CSNK1G1: variants seen among roughly 807,000 people sequenced by gnomAD.
CSNK1G1 encodes the protein casein kinase I isoform gamma-1.
CSNK1G1 carries 22 observed loss-of-function variants against 59.6 expected under a neutral mutation model. That is an observed-to-expected ratio of 0.37 (90% confidence interval 0.26 to 0.53). The LOEUF (loss-of-function observed/expected upper bound fraction) is 0.53, where lower values mean the gene tolerates loss of function less well. Among genes scored for constraint, CSNK1G1 ranks in the 20% least tolerant of loss-of-function variants. CSNK1G1 has a pLI of 0.89. For missense variants in CSNK1G1, 384 were observed against 519.5 expected (o/e 0.74, Z 2.54); for synonymous variants, 179 against 177.1 (o/e 1.01, Z -0.08).
chr15:64,256,553 A>G lies in CSNK1G1; in HGVS notation c.222+2648T>C, dbSNP rs188859242. 4.5e-3 allele frequency among the ~76,000 whole-genome samples: 681 copies of G among 152,330 alleles called. 12 individuals are homozygous for G. The South Asian group carries it at 0.047, about 10-fold the overall frequency. ...TTCAAGGTGCTTTTCTGGAAGCACT[A>G]TAAGTAGAAGGCATTGCAAAACTCA... On this transcript the variant is annotated intron_variant, in intron 3 of 11. Coordinates refer to ENST00000303052, the MANE Select transcript of CSNK1G1 (RefSeq NM_022048.5).
chr15:64,249,763 C>T (rs1008890005), intron 4 of CSNK1G1, among the ~76,000 whole-genome samples: 1 of 152,240 alleles, frequency 6.6e-6, no homozygotes, highest in Admixed American at 6.5e-5. Context: ...AATGCTGAAA[C>T]TTCAAGAGCT....
intron 5 of CSNK1G1, among the ~76,000 whole-genome samples, chr15:64,215,787 G>C (rs1303408745): frequency 6.6e-6 from 1 of 152,222 alleles, no homozygotes; most frequent in Non-Finnish European, 1.5e-5. Context: ...TTGTCTCTGA[G>C]AGAACTGGAG....
In CSNK1G1 at chr15:64,168,460, G is replaced by GTGGA. The variant is rs1450035927; in HGVS notation, c.*3467_*3470dup. On this transcript the variant is annotated 3_prime_UTR_variant, in exon 12 of 12. Coordinates refer to ENST00000303052, the MANE Select transcript of CSNK1G1 (RefSeq NM_022048.5). The stretch of plus-strand genomic sequence containing the variant: ...AGTAGGGGGGACCATTTATGCCTTG[G>GTGGA]TGGAGTCTTGGCCTGTGTGCCTCAA... 4 of 152,278 alleles carry GTGGA rather than the reference G, an allele frequency of 2.6e-5. No homozygotes were observed. The highest frequency in any genetic ancestry group is 5.9e-5 in the Non-Finnish European group (4 of 68,090). 9.4% of individuals were successfully genotyped at this position (152,278 alleles called of 1,614,324 possible).
intron 2 of CSNK1G1, among the ~76,000 whole-genome samples, chr15:64,275,029 C>A (rs965438264): frequency 2.0e-5 from 3 of 152,202 alleles, no homozygotes; most frequent in African/African-American, 7.2e-5. Flanking sequence ...CCTATTGCCA[C>A]CTCCACCCAA....
chr15:64,311,415 G>A (rs1895988899), intron 1 of CSNK1G1, among the ~76,000 whole-genome samples: 1 of 152,292 alleles, frequency 6.6e-6, no homozygotes, highest in South Asian at 2.1e-4. Flanking sequence ...TACAGAAGGA[G>A]TTTGGATAAT....
chr15:64,234,810 G>A (rs2082593961), intron 4 of CSNK1G1, among the ~76,000 whole-genome samples: 2 of 152,036 alleles, frequency 1.3e-5, no homozygotes, highest in South Asian at 4.2e-4. Flanking sequence ...ATGTGGTTCT[G>A]TACCCACAAG....
chr15:64,196,403 A>G (rs1216693619), intron 10 of CSNK1G1, among the ~76,000 whole-genome samples: 1 of 152,206 alleles, frequency 6.6e-6, no homozygotes, highest in African/African-American at 2.4e-5. Context: ...CCAGAATACA[A>G]GGAAAATAGG....
intron 4 of CSNK1G1, among the ~76,000 whole-genome samples, chr15:64,219,311 A>C (rs1478462711): frequency 6.6e-6 from 1 of 152,224 alleles, no homozygotes; most frequent in Non-Finnish European, 1.5e-5. Context: ...AATCAGACAC[A>C]TGGTAAATGC....
At chr15:64,224,820 T>C (rs754588838) in intron 4 of CSNK1G1, among the ~76,000 whole-genome samples, 43 of 152,194 alleles carry the variant, frequency 2.8e-4, no homozygotes, top group East Asian at 1.9e-4. Flanking sequence ...AGGAATAATT[T>C]CACATTTCCG....
intron 4 of CSNK1G1, among the ~76,000 whole-genome samples, chr15:64,234,348 T>C (rs187319018): frequency 1.2e-3 from 188 of 152,314 alleles, no homozygotes; most frequent in Middle Eastern, 6.8e-3. Flanking sequence ...TTATTTCAAA[T>C]AGGCCACTCA....
chr15:64,304,470 T>C (rs1008413970), intron 1 of CSNK1G1, among the ~76,000 whole-genome samples: 1 of 150,708 alleles, frequency 6.6e-6, no homozygotes, highest in African/African-American at 2.4e-5. Flanking sequence ...ACTTAAGAAA[T>C]TAAAGTTACT....
intron 1 of CSNK1G1, among the ~76,000 whole-genome samples, chr15:64,333,234 G>A (rs1261691357): frequency 9.4e-6 from 1 of 106,554 alleles, no homozygotes; most frequent in Non-Finnish European, 1.7e-5. Flanking sequence ...TCCAGACTGA[G>A]CAACAAGAGT....
Position 64,169,635 on chromosome 15 carries a change from G to A in CSNK1G1, c.*2296C>T, listed in dbSNP as rs370161097. 5 of 152,308 alleles carry A rather than the reference G, an allele frequency of 3.3e-5. No individual in the cohort carries two copies. Among genetic ancestry groups the A allele is most frequent in the East Asian group, 3.9e-4 (2 of 5,188 alleles). 9.4% of individuals were successfully genotyped at this position (152,308 alleles called of 1,614,324 possible). On this transcript the variant is annotated 3_prime_UTR_variant, in exon 12 of 12. Transcript: ENST00000303052. ...TTAGCAATGCCCAAATCCCAACTGAGAAACGATGTAAATTTTAGTGATAGG... is the reference window on the plus strand; with the variant it reads ...TTAGCAATGCCCAAATCCCAACTGAAAAACGATGTAAATTTTAGTGATAGG...
At chr15:64,287,782 C>A (rs956360444) in intron 2 of CSNK1G1, among the ~76,000 whole-genome samples, 4 of 152,076 alleles carry the variant, frequency 2.6e-5, no homozygotes, top group African/African-American at 9.7e-5. Context: ...CCAGAATACA[C>A]AAAAGTATGT....
Position 64,188,620 on chromosome 15 carries a change from T to C in CSNK1G1, c.1108-8166A>G. ...TTTTGGATTTTAAACTAACAACCAC[T>C]GGAAAGCAGTGAGGAAAAGTAAGCT... On this transcript the variant is annotated intron_variant, in intron 10 of 11. Transcript: ENST00000303052. This position sits in a 1 kb window ranked among gnomAD's most constrained non-coding sequence, Gnocchi z 4.2. The C allele has an allele frequency of 1.5e-6, 1 of 656,244 alleles. No homozygotes were observed. The highest frequency in any genetic ancestry group is 2.6e-6 in the Non-Finnish European group (1 of 379,816). The allele number at this position is 656,244 out of a possible 1,614,324, so 40.7% of individuals were successfully genotyped here.
intron 4 of CSNK1G1, among the ~76,000 whole-genome samples, chr15:64,222,289 C>T (rs754508709): frequency 2.2e-4 from 24 of 109,656 alleles, no homozygotes; most frequent in Admixed American, 4.0e-4. Context: ...GATGGGGGGT[C>T]GGGGGAGGGA....
At chr15:64,335,996 A>C (rs1897368746) in intron 1 of CSNK1G1, 1 of 152,198 alleles carries the variant, frequency 6.6e-6, no homozygotes, top group South Asian at 2.1e-4. Context: ...ACAGTTGCTC[A>C]ATAAATTTAT....
intron 2 of CSNK1G1, among the ~76,000 whole-genome samples, chr15:64,271,355 T>C (rs1893293904): frequency 6.6e-6 from 1 of 152,084 alleles, no homozygotes; most frequent in East Asian, 1.9e-4. Flanking sequence ...TGGCCCCATC[T>C]TGGCTCACTG....
intron 1 of CSNK1G1, among the ~76,000 whole-genome samples, chr15:64,343,233 A>ACACACACACACACACACACACACACC (rs1897770974): frequency 6.6e-6 from 1 of 151,538 alleles, no homozygotes; most frequent in Non-Finnish European, 1.5e-5. Flanking sequence ...ACACACACAC[A>ACACACACACACACACACACACACACC]CACCTCTTCT....
Sources: allele counts gnomAD v4.1 joint callset (sites outside exome capture counted in the v4.1 genomes callset), GRCh38; gene constraint gnomAD v4.1.1; non-coding constraint Gnocchi (gnomAD v3.1); transcripts MANE v1.5; gene names NCBI Gene and HGNC (gene_info 2026-07-23, HGNC 2026-07-21).